The following CFAP44 variants were observed in gnomAD, a reference collection of about 807,000 sequenced individuals.
The protein encoded by CFAP44 is cilia- and flagella-associated protein 44.
A neutral mutation model predicts 216.2 loss-of-function variants in CFAP44; 134 were observed. That is an observed-to-expected ratio of 0.62 (90% CI 0.54 to 0.72). CFAP44 has a LOEUF of 0.72. CFAP44 is among the 30% of genes least tolerant of loss of function. The pLI is 0.00. For missense variants in CFAP44, 2,035 were observed against 2,182.1 expected (o/e 0.93, Z 1.34); for synonymous variants, 700 against 727.6 (o/e 0.96, Z 0.61).
chr3:113,366,491 G>A (rs1413910120), intron 18 of CFAP44, among the ~76,000 whole-genome samples, 182 bp from the exon 19 acceptor site: 1 of 152,052 alleles, frequency 6.6e-6, no homozygotes, highest in African/African-American at 2.4e-5. Flanking sequence ...ATTGTGATAG[G>A]GCTTTTAAAG....
At chr3:113,430,151 T>C (rs1027608251) in intron 2 of CFAP44, among the ~76,000 whole-genome samples, 2 of 151,960 alleles carry the variant, frequency 1.3e-5, no homozygotes, top group Non-Finnish European at 2.9e-5. Flanking sequence ...AGAGGTAAGT[T>C]AGAAACCAAT....
Position 113,287,083 on chromosome 3 carries a change from A to G in CFAP44, c.*4474T>C. On this transcript the variant is annotated 3_prime_UTR_variant, in exon 35 of 35. Coordinates refer to ENST00000393845, the MANE Select transcript of CFAP44 (RefSeq NM_001164496.2). ...GAAAATAAAGAAGCTGCCACCTAACAGGAGTCACCCAGGAAAGCACCGCAC... is the reference window on the plus strand; with the variant it reads ...GAAAATAAAGAAGCTGCCACCTAACGGGAGTCACCCAGGAAAGCACCGCAC... The G allele has an allele frequency of 1.7e-6, 1 of 583,684 alleles. No homozygotes were observed. Among genetic ancestry groups the G allele is most frequent in the Non-Finnish European group, 3.1e-6 (1 of 319,492 alleles). 36.2% of individuals were successfully genotyped at this position (583,684 alleles called of 1,614,324 possible).
At chr3:113,372,243 G>A (rs1933190432) in intron 18 of CFAP44, among the ~76,000 whole-genome samples, 1 of 152,256 alleles carries the variant, frequency 6.6e-6, no homozygotes, top group East Asian at 1.9e-4. Flanking sequence ...ATACCCAAAG[G>A]ATTATAAATC....
intron 1 of CFAP44, among the ~76,000 whole-genome samples, chr3:113,435,574 T>A (rs899817327): frequency 2.6e-5 from 4 of 151,090 alleles, no homozygotes; most frequent in Admixed American, 2.6e-4. Flanking sequence ...TAAAAAAAAA[T>A]TTTAAATGGC....
At chr3:113,361,963 A>C (rs1463156210) in intron 21 of CFAP44, among the ~76,000 whole-genome samples, 2 of 151,808 alleles carry the variant, frequency 1.3e-5, no homozygotes, top group African/African-American at 4.8e-5. Context: ...TATAAGATTA[A>C]ATGCCTACAT....
intron 28 of CFAP44, among the ~76,000 whole-genome samples, chr3:113,320,356 T>C (rs919684661): frequency 1.4e-5 from 2 of 146,998 alleles, no homozygotes; most frequent in Non-Finnish European, 3.0e-5. Flanking sequence ...TCTCAAGATA[T>C]CCCAGTGTCT....
chr3:113,340,170 A>G (rs1950318853), intron 24 of CFAP44, among the ~76,000 whole-genome samples: 2 of 152,302 alleles, frequency 1.3e-5, no homozygotes, highest in African/African-American at 4.8e-5. Flanking sequence ...AGGTGCCCTG[A>G]GCCATGCATG....
chr3:113,380,799 T>C, intron 16 of CFAP44, 100 bp downstream of exon 16: 1 of 1,047,914 alleles, frequency 9.5e-7, no homozygotes, highest in Non-Finnish European at 1.3e-6. Context: ...AGGGCCTATG[T>C]TTTATTCTTT....
intron 28 of CFAP44, 53 bp downstream of exon 28, chr3:113,326,392 T>C: frequency 7.0e-7 from 1 of 1,423,356 alleles, no homozygotes; most frequent in Non-Finnish European, 9.2e-7. Context: ...GTTACCTCTC[T>C]ATTTCATGTT....
intron 28 of CFAP44, among the ~76,000 whole-genome samples, chr3:113,321,358 G>C (rs573964603): frequency 7.9e-5 from 12 of 152,194 alleles, no homozygotes; most frequent in African/African-American, 2.2e-4. Context: ...ACTAGGCATT[G>C]AGGAAACATA....
chr3:113,312,631 G>A (rs1950050773), intron 28 of CFAP44, among the ~76,000 whole-genome samples: 1 of 152,136 alleles, frequency 6.6e-6, no homozygotes, highest in Non-Finnish European at 1.5e-5. Flanking sequence ...CACAGGCCTG[G>A]AGGCCTAGAA....
At chr3:113,331,618 G>T (rs1553754087) in intron 25 of CFAP44, among the ~76,000 whole-genome samples, 1 of 151,874 alleles carries the variant, frequency 6.6e-6, no homozygotes, top group Non-Finnish European at 1.5e-5. Flanking sequence ...CCAGCAGTTG[G>T]GTGAATGGAC....
At chr3:113,411,539 G>GTTACTGTAGCCTTGTAGTATAGT (rs1365299143) in intron 6 of CFAP44, among the ~76,000 whole-genome samples, 2 of 152,148 alleles carry the variant, frequency 1.3e-5, no homozygotes, top group Admixed American at 1.3e-4. Flanking sequence ...TGCTGTTTTG[G>GTTACTGTAGCCTTGTAGTATAGT]TTACTGTAGC....
At chr3:113,330,917 T>A (rs544753369) in intron 25 of CFAP44, among the ~76,000 whole-genome samples, 4 of 152,130 alleles carry the variant, frequency 2.6e-5, no homozygotes, top group African/African-American at 9.7e-5. Flanking sequence ...CACGATTTGT[T>A]CCCTCCAGCT....
At chr3:113,382,378 C>G (rs998083369) in intron 15 of CFAP44, among the ~76,000 whole-genome samples, 16 of 152,000 alleles carry the variant, frequency 1.1e-4, no homozygotes, top group Admixed American at 6.6e-4. Flanking sequence ...TTTAGAAGAG[C>G]TGATTTGGTG....
chr3:113,353,551 TGA>T (rs1273334641), intron 22 of CFAP44, among the ~76,000 whole-genome samples: 4 of 151,998 alleles, frequency 2.6e-5, no homozygotes, highest in Non-Finnish European at 5.9e-5. Context: ...GCTGCTATGT[TGA>T]GAGTTCTTCC....
At chr3:113,359,005 A>G (rs2107308695) in intron 21 of CFAP44, 130 bp from the exon 22 acceptor site, 1 of 1,092,104 alleles carries the variant, frequency 9.2e-7, no homozygotes, top group Non-Finnish European at 1.2e-6. Flanking sequence ...GTCCATTACA[A>G]AAGAAAAACA....
At chr3:113,311,382 T>G (rs946834310) in intron 28 of CFAP44, among the ~76,000 whole-genome samples, 3 of 152,200 alleles carry the variant, frequency 2.0e-5, no homozygotes, top group Non-Finnish European at 4.4e-5. Flanking sequence ...TGGGGGCAGT[T>G]TCCCCCATAC....
chr3:113,310,355 A>G (rs1159326175), intron 28 of CFAP44, among the ~76,000 whole-genome samples: 2 of 152,240 alleles, frequency 1.3e-5, no homozygotes, highest in Non-Finnish European at 2.9e-5. Flanking sequence ...CAGAAACTAC[A>G]TGTGGAGCTG....
Sources: gnomAD v4.1 joint callset for allele counts (sites outside exome capture counted in the v4.1 genomes callset) on GRCh38, gnomAD v4.1.1 for gene constraint, MANE v1.5 for transcripts, NCBI Gene and HGNC (gene_info 2026-07-23, HGNC 2026-07-21) for gene names.